The following ARHGEF10 variants were observed in gnomAD, a reference collection of about 807,000 sequenced individuals.
ARHGEF10 encodes the protein Rho guanine nucleotide exchange factor (GEF) 10.
A neutral mutation model predicts 147.4 loss-of-function variants in ARHGEF10; 140 were observed. The ratio of observed to expected loss-of-function variants is 0.95; its 90% confidence interval spans 0.83 to 1.09. ARHGEF10 has a LOEUF of 1.09. Ranked by LOEUF, ARHGEF10 falls within the 50% of genes least tolerant of loss-of-function variation. The pLI, the probability that ARHGEF10 is intolerant of heterozygous loss-of-function variation, is 0.00. For missense variants in ARHGEF10, 2,222 were observed against 1,752.7 expected (o/e 1.27, Z -4.78); for synonymous variants, 902 against 695.8 (o/e 1.30, Z -4.67).
intron 26 of ARHGEF10, chr8:1,943,638 C>T (rs563618120): frequency 6.6e-6 from 1 of 152,290 alleles, no homozygotes; most frequent in South Asian, 2.1e-4. Flanking sequence ...GATTCGTGTT[C>T]CGCTGGGGAG....
chr8:1,868,570 GTTTCAC>G (rs1160312474), intron 6 of ARHGEF10, among the ~76,000 whole-genome samples: 5 of 152,126 alleles, frequency 3.3e-5, no homozygotes, highest in Non-Finnish European at 7.3e-5. Flanking sequence ...TTATGAAACG[GTTTCAC>G]TTTCACAGAA....
rs1563342739 is a variant in ARHGEF10, at chr8:1,956,949, A to T, written c.3721A>T (p.Ile1241Phe). 1 of 1,614,158 alleles carries T rather than the reference A, an allele frequency of 6.2e-7. No homozygotes were observed. The highest frequency in any genetic ancestry group is 2.2e-5 in the East Asian group (1 of 44,874). Reference sequence around the variant, plus strand: ...GAGCCAGGGTGACCCTGACGCAGCCATCTGGTTGGGAGATTCGCTGGGATC... The same window carrying T: ...GAGCCAGGGTGACCCTGACGCAGCCTTCTGGTTGGGAGATTCGCTGGGATC... ...SLSQGDPDAA[I>F]WLGDSLGSMT... The change falls in exon 29 of 29, where the codon ATC becomes TTC. Residue 1241 changes from isoleucine to phenylalanine, a missense_variant. By Grantham distance (21) the Ile-to-Phe change is conservative (BLOSUM62 0). Transcript: ENST00000349830.
chr8:1,853,115 T>A (rs1439847869), intron 2 of ARHGEF10, among the ~76,000 whole-genome samples: 2 of 152,182 alleles, frequency 1.3e-5, no homozygotes, highest in African/African-American at 2.4e-5. Flanking sequence ...GCTGGATGCC[T>A]GTGGGTCGGC....
At chr8:1,906,533 GC>G (rs1810907114) in intron 17 of ARHGEF10, among the ~76,000 whole-genome samples, 1 of 152,022 alleles carries the variant, frequency 6.6e-6, no homozygotes, top group Non-Finnish European at 1.5e-5. Context: ...CATGCCCGTC[GC>G]CCCCATTTTC....
intron 2 of ARHGEF10, among the ~76,000 whole-genome samples, chr8:1,849,425 G>C (rs1485070710): frequency 4.4e-4 from 62 of 141,564 alleles, no homozygotes; most frequent in Middle Eastern, 4.3e-3. Flanking sequence ...TGGACACAGA[G>C]GGCAAATGCT....
chr8:1,894,503 G>T lies in ARHGEF10; in HGVS notation c.1371G>T (p.Gln457His). The T allele has an allele frequency of 6.2e-7, 1 of 1,614,252 alleles. No individual in the cohort carries two copies. The highest frequency in any genetic ancestry group is 8.5e-7 in the Non-Finnish European group (1 of 1,180,050). Residue 457 changes from glutamine (Q) to histidine (H), a missense_variant, in exon 13 of 29, where the codon CAG (glutamine) becomes CAT (histidine). Gln to His is a conservative substitution (Grantham distance 24, BLOSUM62 0). Transcript: ENST00000349830. ...TCCTGCAGTGCCACTCGCTATTTCA[G>T]ATCGCGCTGGCCAGCCGCGTTTCCG... is the stretch of plus-strand genomic sequence containing the variant. ...KEILQCHSLF[Q>H]IALASRVSEW...
Position 1,928,591 on chromosome 8 carries a change from G to T in ARHGEF10, c.2862G>T (p.Glu954Asp). 1 of 1,614,208 alleles carries T rather than the reference G, an allele frequency of 6.2e-7. No homozygotes were observed. The highest frequency in any genetic ancestry group is 8.5e-7 in the Non-Finnish European group (1 of 1,180,034). The change falls in exon 24 of 29, where the codon GAG becomes GAT. Residue 954 changes from glutamate to aspartate, a missense_variant. Transcript: ENST00000349830. ...RREPGAPPDP[E>D]TPAVRASDVP... Reference sequence around the variant, plus strand: ...AGCCTGGGGCACCCCCGGACCCCGAGACCCCGGCCGTGAGAGCTTCTGATG... The same window carrying T: ...AGCCTGGGGCACCCCCGGACCCCGATACCCCGGCCGTGAGAGCTTCTGATG...
rs988621804 is a variant in ARHGEF10, at chr8:1,860,296, G to T, written c.481+112G>T. ...CTGCATGCCCCGGATGTGGCCTGTGGTTCCGTAGAGTCCGGGCCTGACCTT... is the reference window on the plus strand; with the variant it reads ...CTGCATGCCCCGGATGTGGCCTGTGTTTCCGTAGAGTCCGGGCCTGACCTT... On this transcript the variant is annotated intron_variant, in intron 4 of 28. Coordinates refer to ENST00000349830, the MANE Select transcript of ARHGEF10 (RefSeq NM_014629.4). 4 of 1,447,268 alleles carry T rather than the reference G, an allele frequency of 2.8e-6. 1 individual carries two copies. The highest frequency in any genetic ancestry group is 3.8e-6 in the Non-Finnish European group (4 of 1,058,784). The allele number at this position is 1,447,268 out of a possible 1,614,324, so 89.7% of individuals were successfully genotyped here.
At chr8:1,873,358 A>G (rs529700175) in intron 7 of ARHGEF10, among the ~76,000 whole-genome samples, 2 of 152,250 alleles carry the variant, frequency 1.3e-5, no homozygotes, top group Non-Finnish European at 2.9e-5. Flanking sequence ...ATAAGAACTC[A>G]GAAGCAATGG....
At chr8:1,833,299 C>G (rs1585207844) in intron 1 of ARHGEF10, among the ~76,000 whole-genome samples, 2 of 125,578 alleles carry the variant, frequency 1.6e-5, no homozygotes, top group African/African-American at 3.2e-5. Context: ...GAAGCAGAGA[C>G]AGAGGCAGAG....
intron 25 of ARHGEF10, among the ~76,000 whole-genome samples, chr8:1,932,868 T>C (rs1813264093): frequency 6.6e-6 from 1 of 152,206 alleles, no homozygotes; most frequent in Admixed American, 6.5e-5. Context: ...TTTATTTGAT[T>C]AGGAAGTCGA....
chr8:1,833,368 A>C (rs1803377315), intron 1 of ARHGEF10, among the ~76,000 whole-genome samples: 2 of 149,250 alleles, frequency 1.3e-5, no homozygotes, highest in African/African-American at 2.5e-5. Context: ...AGACAGAGGC[A>C]GAGACAGAGG....
chr8:1,883,287 C>T (rs1392704998), intron 10 of ARHGEF10, among the ~76,000 whole-genome samples: 2 of 152,036 alleles, frequency 1.3e-5, no homozygotes, highest in African/African-American at 4.8e-5. Context: ...AAGCAGCAGG[C>T]TGGGGTCATT....
chr8:1,898,446 C>T lies in ARHGEF10; in HGVS notation c.1571C>T (p.Ala524Val). 3.7e-6 allele frequency: 6 copies of T among 1,614,100 alleles called. No homozygotes were observed. The highest frequency in any genetic ancestry group is 5.1e-6 in the Non-Finnish European group (6 of 1,180,020). The change falls in exon 15 of 29, where the codon GCC (alanine) becomes GTC (valine). Residue 524 changes from alanine (A) to valine (V), a missense_variant. Physicochemically the swap from Ala to Val is moderately conservative, Grantham distance 64. Transcript: ENST00000349830. The stretch of plus-strand genomic sequence containing the variant: ...CTTCCCCCACAGCAGGAACAGGAGG[C>T]CAGCCCCGATCGAACCACGCTCTAC... ...FLEFLKQEQE[A>V]SPDRTTLYSL...
intron 28 of ARHGEF10, among the ~76,000 whole-genome samples, chr8:1,953,624 C>A (rs1815238751): frequency 4.6e-5 from 1 of 21,720 alleles, no homozygotes; most frequent in African/African-American, 1.3e-4. Flanking sequence ...TTTGCCACAG[C>A]ATTTAATTTT....
chr8:1,850,198 C>CTGCGTGGA (rs1563174629), intron 2 of ARHGEF10, among the ~76,000 whole-genome samples: 4 of 133,998 alleles, frequency 3.0e-5, no homozygotes, highest in Admixed American at 7.2e-5. Flanking sequence ...CGTGGGGCGG[C>CTGCGTGGA]CACATGGGCA....
intron 26 of ARHGEF10, among the ~76,000 whole-genome samples, chr8:1,934,656 G>C (rs933180809): frequency 6.6e-6 from 1 of 152,122 alleles, no homozygotes; most frequent in Non-Finnish European, 1.5e-5. Flanking sequence ...CACGGAGCTG[G>C]CTCTCAAACC....
chr8:1,888,790 TA>T (rs1468963508), intron 11 of ARHGEF10, among the ~76,000 whole-genome samples: 1 of 28,630 alleles, frequency 3.5e-5, no homozygotes, highest in African/African-American at 1.2e-4. Flanking sequence ...GTGGGGTGAG[TA>T]TTGTGAGGAG....
At chr8:1,889,423 G>C (rs1478761459) in intron 11 of ARHGEF10, among the ~76,000 whole-genome samples, 2 of 65,800 alleles carry the variant, frequency 3.0e-5, no homozygotes, top group African/African-American at 1.7e-4. Flanking sequence ...CACTGAGTGG[G>C]GTGAGGGGTC....
Sources: gnomAD v4.1 joint callset for allele counts (sites outside exome capture counted in the v4.1 genomes callset) on GRCh38, gnomAD v4.1.1 for gene constraint, MANE v1.5 for transcripts, NCBI Gene and HGNC (gene_info 2026-07-23, HGNC 2026-07-21) for gene names.